AHR: variants seen among roughly 807,000 people sequenced by gnomAD.
The protein encoded by AHR is aryl hydrocarbon receptor.
A neutral mutation model predicts 86.8 loss-of-function variants in AHR; 40 were observed. The observed-to-expected ratio is 0.46, with a 90% confidence interval of 0.36 to 0.60. AHR has a LOEUF of 0.60. Among genes scored for constraint, AHR ranks in the 20% least tolerant of loss-of-function variants. The pLI is 0.00. For synonymous variants in AHR, 398 were observed against 354.9 expected, an observed-to-expected ratio of 1.12 and a Z score of -1.37; for missense variants, 1,001 against 1,011.6, an observed-to-expected ratio of 0.99 and a Z score of 0.14.
intron 3 of AHR, among the ~76,000 whole-genome samples, chr7:17,325,999 A>G (rs1429432413): frequency 6.6e-6 from 1 of 152,204 alleles, no homozygotes; most frequent in Non-Finnish European, 1.5e-5. Flanking sequence ...TGGGATCGAT[A>G]ACACATAAAG....
intron 10 of AHR, among the ~76,000 whole-genome samples, chr7:17,341,517 A>G (rs1330964022): frequency 3.3e-5 from 5 of 152,132 alleles, no homozygotes; most frequent in Admixed American, 6.5e-5. Flanking sequence ...AAATAATTCT[A>G]TAGACCTACA....
intron 9 of AHR, among the ~76,000 whole-genome samples, chr7:17,336,297 C>T (rs913837393): frequency 2.6e-5 from 4 of 151,970 alleles, no homozygotes; most frequent in Non-Finnish European, 4.4e-5. Context: ...GATGATTTAC[C>T]GAGAAGGTCA....
At chr7:17,323,056 A>G (rs1354453435) in intron 3 of AHR, among the ~76,000 whole-genome samples, 1 of 152,098 alleles carries the variant, frequency 6.6e-6, no homozygotes, top group African/African-American at 2.4e-5. Context: ...GATGATGAAA[A>G]TCACCTAACC....
intron 1 of AHR, among the ~76,000 whole-genome samples, chr7:17,305,357 A>G (rs1781994926): frequency 6.6e-6 from 1 of 152,172 alleles, no homozygotes; most frequent in East Asian, 1.9e-4. Flanking sequence ...GGATGCACTG[A>G]AGCTGGGGGA....
intron 2 of AHR, among the ~76,000 whole-genome samples, chr7:17,317,686 G>C (rs907822900): frequency 6.6e-6 from 1 of 152,064 alleles, no homozygotes; most frequent in Non-Finnish European, 1.5e-5. Flanking sequence ...CCCTATCCTA[G>C]ACCTACTGAA....
chr7:17,307,455 G>A (rs564379029), intron 1 of AHR, among the ~76,000 whole-genome samples: 2 of 152,258 alleles, frequency 1.3e-5, no homozygotes, highest in South Asian at 4.1e-4. Context: ...CTTGAGCGGG[G>A]ACTTGAAACC....
In AHR at chr7:17,344,629, C is replaced by CTTTTTT. The variant is rs755565130; in HGVS notation, c.*1578_*1583dup. The CTTTTTT allele has an allele frequency of 1.6e-5, 2 of 126,914 alleles. No homozygotes were observed. Among genetic ancestry groups the CTTTTTT allele is most frequent in the African/African-American group, 5.7e-5 (2 of 35,236 alleles). The allele number at this position is 126,914 out of a possible 1,614,324, so 7.9% of individuals were successfully genotyped here. A position where few individuals can be genotyped will look rare whatever the true frequency, so the allele number is the denominator to read the frequency against. On this transcript the variant is annotated 3_prime_UTR_variant, in exon 11 of 11. Transcript: ENST00000242057. ...AGAAAAAATGACACCATCTTTTATT[C>CTTTTTT]TTTTTTTTTTTTTTTTTTGAGAGAG...
intron 1 of AHR, 113 bp downstream of exon 1, chr7:17,299,442 C>A (rs565884543): frequency 8.5e-7 from 1 of 1,179,246 alleles, no homozygotes; most frequent in South Asian, 1.5e-5. Flanking sequence ...TAGGTCCATT[C>A]CCGGCACTGC....
intron 2 of AHR, among the ~76,000 whole-genome samples, chr7:17,316,636 G>C (rs1054727761): frequency 1.3e-5 from 2 of 152,132 alleles, no homozygotes; most frequent in Non-Finnish European, 2.9e-5. Context: ...CAAGTAGTCT[G>C]ATGGGATTGG....
In AHR at chr7:17,309,807, C is replaced by G. The variant is rs986032224; in HGVS notation, c.66-129C>G. 4.0e-6 allele frequency: 3 copies of G among 755,058 alleles called. No homozygotes were observed. In the African/African-American group the frequency reaches 5.2e-5, roughly 13 times the overall value. 46.8% of individuals were successfully genotyped at this position (755,058 alleles called of 1,614,324 possible). On this transcript the variant is annotated intron_variant, in intron 1 of 10. Transcript: ENST00000242057. ...GAAAGGAAGATTTTAGAAAGACTTACGTAAACTTTAAGTAGACTTTAAAAG... is the reference window on the plus strand; with the variant it reads ...GAAAGGAAGATTTTAGAAAGACTTAGGTAAACTTTAAGTAGACTTTAAAAG...
At chr7:17,334,782 A>G in intron 7 of AHR, 105 bp from the exon 8 acceptor site, 1 of 734,732 alleles carries the variant, frequency 1.4e-6, no homozygotes, top group Non-Finnish European at 2.2e-6. Context: ...ATGTGAACTA[A>G]AACATATTGC....
chr7:17,338,317 T>A (rs1238327107), intron 9 of AHR, among the ~76,000 whole-genome samples: 1 of 152,104 alleles, frequency 6.6e-6, no homozygotes, highest in African/African-American at 2.4e-5. Flanking sequence ...GTTAGTTGTT[T>A]CAGATTCTTA....
At chr7:17,337,959 A>G (rs574587912) in intron 9 of AHR, among the ~76,000 whole-genome samples, 10 of 151,650 alleles carry the variant, frequency 6.6e-5, no homozygotes, top group Non-Finnish European at 1.0e-4. Context: ...TAAAAATTCT[A>G]TTGCCCGAGG....
intron 2 of AHR, among the ~76,000 whole-genome samples, chr7:17,313,519 A>G (rs1782087035): frequency 6.6e-6 from 1 of 152,180 alleles, no homozygotes; most frequent in Non-Finnish European, 1.5e-5. Flanking sequence ...TTGCAAGTTT[A>G]AATAATCCAA....
rs1782281014 is a variant in AHR at position 17,330,837 on chromosome 7, G to T, written c.656G>T (p.Cys219Phe). ...PPENSPLMERCFICRLRCLLD... is the reference protein window; with the variant it reads ...PPENSPLMERFFICRLRCLLD... The stretch of plus-strand genomic sequence containing the variant: ...GAAAACTCTCCTTTAATGGAGAGGT[G>T]CTTCATATGTCGTCTAAGGTGTCTG... The change falls in exon 6 of 11, where the codon TGC (cysteine) becomes TTC (phenylalanine). Residue 219 changes from cysteine to phenylalanine, a missense_variant. Coordinates refer to ENST00000242057, the MANE Select transcript of AHR (RefSeq NM_001621.5). 3 of 1,612,320 alleles carry T rather than the reference G, an allele frequency of 1.9e-6. No individual in the cohort carries two copies. Among genetic ancestry groups the T allele is most frequent in the Non-Finnish European group, 2.5e-6 (3 of 1,178,826 alleles).
chr7:17,323,534 AAGAT>A (rs1782195664), intron 3 of AHR, among the ~76,000 whole-genome samples: 2 of 152,090 alleles, frequency 1.3e-5, no homozygotes, highest in Non-Finnish European at 2.9e-5. Context: ...TTGTTGAAAA[AAGAT>A]AGAATAAAGA....
intron 1 of AHR, among the ~76,000 whole-genome samples, chr7:17,302,923 CAGTA>C (rs1234390434): frequency 6.6e-6 from 1 of 151,908 alleles, no homozygotes. Context: ...GCCCGTGAAA[CAGTA>C]AGAGGCAGTA....
At chr7:17,333,400 C>G (rs188629788) in intron 6 of AHR, among the ~76,000 whole-genome samples, 414 of 152,022 alleles carry the variant, frequency 2.7e-3, no homozygotes, top group Admixed American at 7.4e-3. Flanking sequence ...CATATCTTTA[C>G]TCAGTAGGGC....
In AHR at chr7:17,334,741, T is replaced by A. The variant is rs905388665; in HGVS notation, c.909-146T>A. 1.2e-4 allele frequency: 71 copies of A among 588,878 alleles called. No homozygotes were observed. In the Middle Eastern group the frequency reaches 1.3e-3, roughly 11 times the overall value. The allele number at this position is 588,878 out of a possible 1,614,324, so 36.5% of individuals were successfully genotyped here. ...GAAGATCAGTTTACATGGATGTGTT[T>A]AATTTCACATCTACTTATGTGAAAT... On this transcript the variant is annotated intron_variant, in intron 7 of 10. Coordinates refer to ENST00000242057, the MANE Select transcript of AHR (RefSeq NM_001621.5).
Sources: gnomAD v4.1 joint callset for allele counts (sites outside exome capture counted in the v4.1 genomes callset) on GRCh38, gnomAD v4.1.1 for gene constraint, MANE v1.5 for transcripts, NCBI Gene and HGNC (gene_info 2026-07-23, HGNC 2026-07-21) for gene names.